Variants in CCNY observed in about 807,000 individuals in gnomAD.
CCNY encodes cyclin Y, also known as cyclin-Y.
Under a neutral mutation model 42.8 loss-of-function variants are expected in CCNY, and 19 were observed. That is an observed-to-expected ratio of 0.44 (90% confidence interval 0.31 to 0.65). CCNY has a LOEUF of 0.65. Ranked by LOEUF, CCNY falls within the 30% of genes least tolerant of loss-of-function variation. The probability of loss-of-function intolerance (pLI) is 0.07; values close to 1 mark genes in which losing one functional copy is unlikely to be tolerated. For synonymous variants in CCNY, 165 were observed against 162.7 expected (o/e 1.01, Z -0.11); for missense variants, 370 against 437.3 (o/e 0.85, Z 1.37).
At chr10:35,291,767 C>T (rs1351964663) in intron 3 of CCNY, among the ~76,000 whole-genome samples, 1 of 152,036 alleles carries the variant, frequency 6.6e-6, no homozygotes, top group Non-Finnish European at 1.5e-5. Context: ...GAACTCCTGA[C>T]CTCATGATCC....
rs1161438832 is a variant in CCNY at position 35,570,886 on chromosome 10, C to CATA, written c.*1717_*1718insTAA. The CATA allele has an allele frequency of 2.4e-4, 37 of 152,452 alleles. No homozygotes were observed. Among genetic ancestry groups the CATA allele is most frequent in the African/African-American group, 8.2e-4 (34 of 41,562 alleles). The allele number at this position is 152,452 out of a possible 1,614,324, so 9.4% of individuals were successfully genotyped here. ...TACCTGTTTGGGCCAGAATTATTAT[C>CATA]ACAGCCTTTCTGACCCAAACTTTCA... On this transcript the variant is annotated 3_prime_UTR_variant, in exon 10 of 10. Coordinates refer to ENST00000374704, the MANE Select transcript of CCNY (RefSeq NM_145012.6).
At chr10:35,474,558 G>A (rs1490701233) in intron 1 of CCNY, among the ~76,000 whole-genome samples, 1 of 152,034 alleles carries the variant, frequency 6.6e-6, no homozygotes, top group East Asian at 1.9e-4. Flanking sequence ...ACACTGCAGG[G>A]TACTCCAACA....
At chr10:35,272,598 T>A (rs1370495687) in intron 3 of CCNY, among the ~76,000 whole-genome samples, 1 of 152,220 alleles carries the variant, frequency 6.6e-6, no homozygotes, top group Admixed American at 6.5e-5. Flanking sequence ...AAGGACATGA[T>A]GTTGTTCTTT....
At chr10:35,565,041 T>G (rs1000000981) in intron 8 of CCNY, among the ~76,000 whole-genome samples, 4 of 152,082 alleles carry the variant, frequency 2.6e-5, no homozygotes, top group African/African-American at 9.7e-5. Flanking sequence ...TGAATCTGAG[T>G]GCATGACCCA....
intron 1 of CCNY, among the ~76,000 whole-genome samples, chr10:35,344,501 C>G (rs1320358345): frequency 2.6e-5 from 4 of 152,148 alleles, no homozygotes; most frequent in Non-Finnish European, 5.9e-5. Flanking sequence ...ACCATCCTGG[C>G]TAACATGGTG....
At chr10:35,493,861 G>A (rs920418793) in intron 2 of CCNY, among the ~76,000 whole-genome samples, 3 of 152,208 alleles carry the variant, frequency 2.0e-5, no homozygotes, top group African/African-American at 4.8e-5. Flanking sequence ...TTACCCTAGA[G>A]TGTAGGTTCT....
intron 7 of CCNY, among the ~76,000 whole-genome samples, chr10:35,544,476 G>A (rs1021506385): frequency 2.0e-5 from 3 of 152,182 alleles, no homozygotes; most frequent in African/African-American, 7.2e-5. Context: ...TTTTGTGTAA[G>A]TGCACTCTAT....
At chr10:35,370,185 A>C (rs1489031002) in intron 1 of CCNY, among the ~76,000 whole-genome samples, 1 of 150,312 alleles carries the variant, frequency 6.7e-6, no homozygotes, top group Non-Finnish European at 1.5e-5. Context: ...GGAGTCTCAC[A>C]TTGTTGCCCA....
At chr10:35,396,019 G>A (rs530230760) in intron 1 of CCNY, among the ~76,000 whole-genome samples, 1 of 152,154 alleles carries the variant, frequency 6.6e-6, no homozygotes, top group African/African-American at 2.4e-5. Flanking sequence ...GTTATGCTGT[G>A]GTGGCTCCCT....
chr10:35,533,736 A>T (rs532211278), intron 7 of CCNY, among the ~76,000 whole-genome samples: 1 of 152,190 alleles, frequency 6.6e-6, no homozygotes, highest in South Asian at 2.1e-4. Context: ...TTTAGGTTGA[A>T]GTCATTAATT....
At chr10:35,478,041 G>T (rs1589147267) in intron 1 of CCNY, among the ~76,000 whole-genome samples, 1 of 147,318 alleles carries the variant, frequency 6.8e-6, no homozygotes, top group Admixed American at 6.8e-5. Flanking sequence ...ATTCACAATT[G>T]CTTCAAAGAG....
intron 8 of CCNY, among the ~76,000 whole-genome samples, chr10:35,563,841 G>A (rs904748802): frequency 6.6e-6 from 1 of 151,224 alleles, no homozygotes. Context: ...TGAGTAGCTG[G>A]GATATTAGAG....
intron 2 of CCNY, among the ~76,000 whole-genome samples, chr10:35,487,707 C>CT (rs1425642951): frequency 6.6e-6 from 1 of 152,088 alleles, no homozygotes; most frequent in Non-Finnish European, 1.5e-5. Context: ...CCTCCAGAGG[C>CT]TGAAGGTAAG....
intron 1 of CCNY, among the ~76,000 whole-genome samples, chr10:35,382,835 ATTG>A (rs1837217591): frequency 6.6e-6 from 1 of 152,200 alleles, no homozygotes; most frequent in Non-Finnish European, 1.5e-5. Context: ...AGTAATTATA[ATTG>A]TTGTTATTAT....
intron 1 of CCNY, among the ~76,000 whole-genome samples, chr10:35,460,328 G>A (rs1490247008): frequency 2.0e-5 from 3 of 152,312 alleles, no homozygotes; most frequent in Admixed American, 1.3e-4. Context: ...GGCCCTCAGG[G>A]TCCCACCTTG....
At chr10:35,451,748 G>A (rs968382756) in intron 1 of CCNY, among the ~76,000 whole-genome samples, 2 of 152,172 alleles carry the variant, frequency 1.3e-5, no homozygotes, top group African/African-American at 2.4e-5. Flanking sequence ...GGGCAGGCTC[G>A]GGGTTCATGT....
intron 1 of CCNY, among the ~76,000 whole-genome samples, chr10:35,456,644 AT>A (rs781333973): frequency 1.3e-5 from 2 of 152,166 alleles, no homozygotes; most frequent in African/African-American, 2.4e-5. Context: ...TATGCATCAC[AT>A]TTCCTTGTGT....
intron 2 of CCNY, among the ~76,000 whole-genome samples, chr10:35,500,625 C>T (rs971471054): frequency 6.6e-6 from 1 of 152,182 alleles, no homozygotes; most frequent in African/African-American, 2.4e-5. Context: ...ATGTCTTTTA[C>T]AGTAACGAAT....
At chr10:35,370,000 T>C (rs1836892786) in intron 1 of CCNY, among the ~76,000 whole-genome samples, 2 of 152,232 alleles carry the variant, frequency 1.3e-5, no homozygotes. Flanking sequence ...ATGCATTTTT[T>C]AGTAAGCCTT....
Sources: gnomAD v4.1 joint callset for allele counts (sites outside exome capture counted in the v4.1 genomes callset) on GRCh38, gnomAD v4.1.1 for gene constraint, MANE v1.5 for transcripts, NCBI Gene and HGNC (gene_info 2026-07-23, HGNC 2026-07-21) for gene names.